The following MS4A18 variants were observed in gnomAD, a reference collection of about 807,000 sequenced individuals.
MS4A18 encodes membrane spanning 4-domains A18, also known as membrane-spanning 4-domains subfamily A member 18.
MS4A18 carries 27 observed loss-of-function variants against 13.1 expected under a neutral mutation model. The ratio of observed to expected loss-of-function variants is 2.06; its 90% CI spans 1.52 to 2.84. MS4A18 has a LOEUF of 2.84. Among genes scored for constraint, MS4A18 ranks in the 30% most tolerant of loss-of-function variants. MS4A18 has a pLI of 0.00. For missense variants in MS4A18, 307 were observed against 196.4 expected, an observed-to-expected ratio of 1.56 and a Z score of -3.37; for synonymous variants, 126 against 76.5, an observed-to-expected ratio of 1.65 and a Z score of -3.38.
chr11:60,728,957 T>C (rs1853207983), upstream of MS4A18, among the ~76,000 whole-genome samples: 1 of 152,184 alleles, frequency 6.6e-6, no homozygotes, highest in Non-Finnish European at 1.5e-5. Context: ...CAATCAGCTT[T>C]GCCAGGGCAG....
At chr11:60,730,245 A>G (rs1174037855) in intron 1 of MS4A18, among the ~76,000 whole-genome samples, 1 of 152,110 alleles carries the variant, frequency 6.6e-6, no homozygotes, top group Non-Finnish European at 1.5e-5. Flanking sequence ...AGGTTTTGTG[A>G]TTTCCTTTTC....
intron 5 of MS4A18, among the ~76,000 whole-genome samples, chr11:60,741,762 G>C (rs1216291873): frequency 6.6e-6 from 1 of 152,180 alleles, no homozygotes; most frequent in Non-Finnish European, 1.5e-5. Flanking sequence ...ACTCACAGCT[G>C]TCCAAGATGC....
chr11:60,733,461 G>C, intron 1 of MS4A18, 73 bp from the exon 3 acceptor site: 1 of 700,436 alleles, frequency 1.4e-6, no homozygotes, highest in East Asian at 2.7e-5. Context: ...GGCACAGCCA[G>C]GGTGCAAAGC....
At chr11:60,738,033 G>C (rs775756584) in intron 3 of MS4A18, among the ~76,000 whole-genome samples, 2 of 152,168 alleles carry the variant, frequency 1.3e-5, no homozygotes, top group Non-Finnish European at 2.9e-5. Flanking sequence ...CTGCTGACTC[G>C]TGGGGGTCTC....
chr11:60,729,215 A>G, upstream of MS4A18: 1 of 622,272 alleles, frequency 1.6e-6, no homozygotes, highest in Non-Finnish European at 2.9e-6. Context: ...TCTTATTTTA[A>G]TGAAGATGAA....
chr11:60,726,759 T>TTTA (rs1853168071), upstream of MS4A18, among the ~76,000 whole-genome samples: 1 of 151,196 alleles, frequency 6.6e-6, no homozygotes, highest in Admixed American at 6.6e-5. Flanking sequence ...TTTATTTTAT[T>TTTA]TTATTTTATT....
At chr11:60,726,727 ATTTTATTT>A (rs1297820048), upstream of MS4A18, among the ~76,000 whole-genome samples, 688 of 144,560 alleles carry the variant, frequency 4.8e-3, 6 homozygotes, top group African/African-American at 0.017. Flanking sequence ...CTTTTATTTT[ATTTTATTT>A]TATTTTATTT....
At position 60,744,040 on chromosome 11, in the gene MS4A18, C is replaced by T. The variant is rs114806522; in HGVS notation, c.*46C>T. 3.4e-3 allele frequency: 2,307 copies of T among 677,014 alleles called. 39 individuals carry two copies. The African/African-American group carries it at 0.036, about 11-fold the overall frequency. 41.9% of individuals were successfully genotyped at this position (677,014 alleles called of 1,614,324 possible). A position where few individuals can be genotyped will look rare whatever the true frequency, so the allele number is the denominator to read the frequency against. ...TGACATGGGATGCCTGTCTCAATGACAAGGGGATACACTGTAGCTGTATCT... is the reference window on the plus strand; with the variant it reads ...TGACATGGGATGCCTGTCTCAATGATAAGGGGATACACTGTAGCTGTATCT... On this transcript the variant is annotated 3_prime_UTR_variant, in exon 6 of 6. Coordinates refer to ENST00000529108, the Ensembl canonical transcript of MS4A18.
At chr11:60,740,985 A>G in intron 4 of MS4A18, 45 bp from the exon 6 acceptor site, 1 of 702,832 alleles carries the variant, frequency 1.4e-6, no homozygotes, top group South Asian at 1.5e-5. Flanking sequence ...CACCTAGGCC[A>G]TCAACCTGAA....
At chr11:60,736,603 G>T (rs898366394) in intron 2 of MS4A18, among the ~76,000 whole-genome samples, 70 of 152,164 alleles carry the variant, frequency 4.6e-4, no homozygotes, top group African/African-American at 1.7e-3. Flanking sequence ...CACAGTTGAG[G>T]ATAGGGCAGC....
intron 5 of MS4A18, among the ~76,000 whole-genome samples, chr11:60,742,483 C>G (rs1029478611): frequency 3.3e-5 from 5 of 152,234 alleles, no homozygotes; most frequent in African/African-American, 1.2e-4. Context: ...TCTAGACACA[C>G]TCTTGCTCTA....
chr11:60,737,528 A>G (rs1221741111), intron 3 of MS4A18, among the ~76,000 whole-genome samples: 1 of 152,176 alleles, frequency 6.6e-6, no homozygotes, highest in Non-Finnish European at 1.5e-5. Context: ...TGAGAGCAAT[A>G]CCTGCCTTGA....
chr11:60,726,319 G>C (rs1853161217), upstream of MS4A18, among the ~76,000 whole-genome samples: 1 of 152,190 alleles, frequency 6.6e-6, no homozygotes, highest in Admixed American at 6.5e-5. Flanking sequence ...TCAGAGACCA[G>C]CTAGATTTTA....
upstream of MS4A18, among the ~76,000 whole-genome samples, chr11:60,726,677 C>A (rs895776964): frequency 1.1e-4 from 16 of 151,866 alleles, no homozygotes; most frequent in African/African-American, 3.1e-4. Context: ...GAAAAATATT[C>A]ACAACAATGG....
upstream of MS4A18, among the ~76,000 whole-genome samples, chr11:60,725,582 C>T (rs146497126): frequency 5.9e-5 from 9 of 151,994 alleles, no homozygotes; most frequent in East Asian, 7.7e-4. Context: ...GTCAGGTCTA[C>T]GGCTGTATTG....
downstream of MS4A18, chr11:60,744,252 A>T (rs904048054): frequency 6.8e-6 from 3 of 439,712 alleles, no homozygotes; most frequent in East Asian, 1.3e-4. Context: ...TTCAGGGTGC[A>T]TTTTGGTTCC....
chr11:60,744,222 A>G (rs1023393876), downstream of MS4A18: 3 of 525,826 alleles, frequency 5.7e-6, no homozygotes, highest in African/African-American at 1.9e-5. Context: ...GGCTCTCAGT[A>G]TCTTTTAACC....
At chr11:60,743,585 A>T (rs1853439187) in intron 5 of MS4A18, 65 bp from the exon 7 acceptor site, 1 of 665,716 alleles carries the variant, frequency 1.5e-6, no homozygotes, top group Non-Finnish European at 2.7e-6. Context: ...GGAAGAAAAA[A>T]ATTATGGCCA....
chr11:60,744,181 C>CTTT, exon 6 of MS4A18: 2 of 574,220 alleles, frequency 3.5e-6, no homozygotes, highest in South Asian at 4.6e-5. Flanking sequence ...TTATTGATGT[C>CTTT]TTTTTTTTCA....
Sources: allele counts gnomAD v4.1 joint callset (sites outside exome capture counted in the v4.1 genomes callset), GRCh38; gene constraint gnomAD v4.1.1; transcripts MANE v1.5; gene names NCBI Gene and HGNC (gene_info 2026-07-23, HGNC 2026-07-21).